PCSK5: variants seen among roughly 807,000 people sequenced by gnomAD.
The protein encoded by PCSK5 is proprotein convertase subtilisin/kexin type 5.
A neutral mutation model predicts 233.2 loss-of-function variants in PCSK5; 129 were observed. The observed-to-expected ratio is 0.55, with a 90% CI of 0.48 to 0.64. The LOEUF is 0.64. PCSK5 is among the 30% of genes least tolerant of loss of function. The pLI, the probability that PCSK5 is intolerant of heterozygous loss-of-function variation, is 0.00. For missense variants in PCSK5, 2,076 were observed against 2,430.1 expected, an observed-to-expected ratio of 0.85 and a Z score of 3.06; for synonymous variants, 825 against 879.2, an observed-to-expected ratio of 0.94 and a Z score of 1.09.
At chr9:76,256,017 C>G (rs968581005) in intron 24 of PCSK5, among the ~76,000 whole-genome samples, 6 of 152,214 alleles carry the variant, frequency 3.9e-5, no homozygotes, top group African/African-American at 1.4e-4. Context: ...AAGTAGACTG[C>G]ACTCATACAC....
intron 10 of PCSK5, among the ~76,000 whole-genome samples, chr9:76,144,910 G>A (rs935269743): frequency 5.3e-5 from 8 of 152,208 alleles, no homozygotes; most frequent in Non-Finnish European, 8.8e-5. Flanking sequence ...GGCGGATCAC[G>A]AGGTCAGAAG....
intron 9 of PCSK5, among the ~76,000 whole-genome samples, chr9:76,112,317 C>T (rs138397683): frequency 5.9e-5 from 9 of 152,148 alleles, no homozygotes; most frequent in East Asian, 1.9e-4. Flanking sequence ...TTTAAATGAC[C>T]GCAAAGCCTT....
intron 37 of PCSK5, among the ~76,000 whole-genome samples, chr9:76,357,924 A>C (rs1290563568): frequency 6.6e-6 from 1 of 152,196 alleles, no homozygotes; most frequent in Non-Finnish European, 1.5e-5. Flanking sequence ...GTACCTTGGG[A>C]GAGGACTCAG....
In PCSK5 at chr9:75,932,398, A is replaced by G. The variant is rs751454054; in HGVS notation, c.212A>G (p.Tyr71Cys). The G allele has an allele frequency of 5.0e-6, 8 of 1,610,644 alleles. No individual in the cohort carries two copies. The African/African-American group carries it at 8.0e-5, about 16-fold the overall frequency. Reference protein sequence around the residue: ...NIGQIGALKDYYHFYHSRTIK... With the variant: ...NIGQIGALKDCYHFYHSRTIK... ...TTGCAGATAGGGGCCCTGAAGGACT[A>G]CTACCACTTCTACCATAGCAGGACG... The change falls in exon 2 of 38, where the codon TAC becomes TGC. Residue 71 changes from tyrosine to cysteine, a missense_variant. Around this residue, in one of 6 missense-constraint regions of PCSK5, gnomAD observed 190 missense variants for 216.3 expected, o/e 0.88. Coordinates refer to ENST00000674117, the MANE Select transcript of PCSK5 (RefSeq NM_001372043.1).
At chr9:76,049,525 A>T (rs544624910) in intron 5 of PCSK5, among the ~76,000 whole-genome samples, 1 of 152,198 alleles carries the variant, frequency 6.6e-6, no homozygotes, top group Admixed American at 6.5e-5. Flanking sequence ...CAGTGAATAG[A>T]TGGTGTTAGC....
chr9:76,265,232 G>A (rs1179436393), intron 24 of PCSK5, among the ~76,000 whole-genome samples: 1 of 151,846 alleles, frequency 6.6e-6, no homozygotes. Context: ...AAAGATGACA[G>A]CAATAGAAAA....
chr9:76,152,271 T>A (rs1024886839), intron 10 of PCSK5, among the ~76,000 whole-genome samples: 10 of 152,224 alleles, frequency 6.6e-5, no homozygotes, highest in Non-Finnish European at 1.5e-4. Flanking sequence ...ATTTCAGTGC[T>A]AACATCAGAC....
intron 34 of PCSK5, 69 bp from the exon 35 acceptor site, chr9:76,338,161 T>C (rs756946140): frequency 1.8e-6 from 2 of 1,134,988 alleles, no homozygotes; most frequent in Non-Finnish European, 2.6e-6. Context: ...CTGACCACCA[T>C]GTTTTTCCAC....
chr9:75,901,848 G>GA, intron 1 of PCSK5, among the ~76,000 whole-genome samples: 1 of 151,900 alleles, frequency 6.6e-6, no homozygotes, highest in Non-Finnish European at 1.5e-5. Flanking sequence ...ATGAGTGAGT[G>GA]AAAAAAGAAA....
chr9:76,046,559 C>CTT (rs553542037), intron 5 of PCSK5, among the ~76,000 whole-genome samples: 2,742 of 104,792 alleles, frequency 0.026, 145 homozygotes, highest in Middle Eastern at 0.052. Context: ...CTTTCTTTTT[C>CTT]TTTTTTTTTT....
chr9:76,302,447 T>A (rs1828641463), intron 28 of PCSK5, among the ~76,000 whole-genome samples: 1 of 152,134 alleles, frequency 6.6e-6, no homozygotes, highest in African/African-American at 2.4e-5. Flanking sequence ...CTGTAACAGA[T>A]AAGGATATTC....
intron 8 of PCSK5, among the ~76,000 whole-genome samples, chr9:76,101,356 C>T (rs796625433): frequency 1.2e-4 from 18 of 152,272 alleles, no homozygotes; most frequent in African/African-American, 4.3e-4. Flanking sequence ...CGTTATTTGA[C>T]AGGATATTTA....
intron 2 of PCSK5, among the ~76,000 whole-genome samples, chr9:75,933,011 C>A (rs1320001814): frequency 6.6e-6 from 1 of 152,184 alleles, no homozygotes; most frequent in African/African-American, 2.4e-5. Context: ...GAGAAGCTGA[C>A]TCCTGCTCTT....
intron 7 of PCSK5, among the ~76,000 whole-genome samples, chr9:76,078,136 G>GT (rs1276476913): frequency 1.3e-5 from 2 of 152,142 alleles, no homozygotes; most frequent in African/African-American, 2.4e-5. Flanking sequence ...TAATGGGGTT[G>GT]TTTTTTGATT....
intron 20 of PCSK5, among the ~76,000 whole-genome samples, chr9:76,214,778 C>G (rs1050710445): frequency 6.6e-6 from 1 of 152,156 alleles, no homozygotes. Flanking sequence ...ATTTCCTGAG[C>G]CTTGGTTTCC....
At chr9:76,243,287 G>A (rs1351948563) in intron 24 of PCSK5, among the ~76,000 whole-genome samples, 2 of 152,158 alleles carry the variant, frequency 1.3e-5, no homozygotes, top group African/African-American at 4.8e-5. Flanking sequence ...TTGATGGGGA[G>A]AATTTCAAAG....
intron 13 of PCSK5, among the ~76,000 whole-genome samples, chr9:76,174,604 C>T (rs577922186): frequency 2.6e-5 from 4 of 152,204 alleles, no homozygotes; most frequent in South Asian, 2.1e-4. Context: ...GCCACCGCAC[C>T]GGGCCATATA....
chr9:76,273,036 C>T (rs114071453), intron 24 of PCSK5, among the ~76,000 whole-genome samples: 142 of 152,190 alleles, frequency 9.3e-4, no homozygotes, highest in African/African-American at 3.3e-3. Flanking sequence ...TCTTGTCACT[C>T]ATTCTACAGT....
intron 8 of PCSK5, among the ~76,000 whole-genome samples, chr9:76,106,739 T>C (rs7850358): frequency 0.48 from 72,343 of 152,058 alleles, 17,328 homozygotes; most frequent in Middle Eastern, 0.58. Context: ...AGGTTCTTTC[T>C]ACAGCAGAGC....
Sources: gnomAD v4.1 joint callset for allele counts (sites outside exome capture counted in the v4.1 genomes callset) on GRCh38, gnomAD v4.1.1 for gene constraint, gnomAD v4.1.1 regional missense constraint, MANE v1.5 for transcripts, NCBI Gene and HGNC (gene_info 2026-07-23, HGNC 2026-07-21) for gene names.